Variants in RFC4 observed in about 807,000 individuals in gnomAD.
RFC4 encodes replication factor C subunit 4.
In RFC4, 38 loss-of-function variants were observed where a neutral mutation model predicts 47.6. The observed-to-expected ratio is 0.80, with a 90% confidence interval of 0.62 to 1.05. The LOEUF (loss-of-function observed/expected upper bound fraction) is 1.05. Ranked by LOEUF, RFC4 falls within the 50% of genes least tolerant of loss-of-function variation. The pLI, the probability that RFC4 is intolerant of heterozygous loss-of-function variation, is 0.00. For missense variants in RFC4, 489 were observed against 434.0 expected, an observed-to-expected ratio of 1.13 and a Z score of -1.13; for synonymous variants, 164 against 150.0, an observed-to-expected ratio of 1.09 and a Z score of -0.68.
In RFC4 at chr3:186,790,061, C is replaced by G; in HGVS notation, c.1000G>C (p.Val334Leu). The change falls in exon 11 of 11, where the codon GTT becomes CTT. Residue 334 changes from valine to leucine, a missense_variant. Val to Leu is a conservative substitution (Grantham distance 32). This residue lies in a region of RFC4 where 283 missense variants were observed against 176.2 expected (regional missense o/e 1.61). Transcript: ENST00000296273. ...KSIITEKLAE[V>L]DKCLADGADE... ...GCACCATCTGCTAGGCATTTGTCAA[C>G]TTCCTACGAGAAAAATTTAAGAAAT... 6.2e-7 allele frequency: 1 copy of G among 1,613,306 alleles called. No individual in the cohort carries two copies. The highest frequency in any genetic ancestry group is 8.5e-7 in the Non-Finnish European group (1 of 1,179,324).
chr3:186,790,790 CATGTA>C (rs1004090251), intron 8 of RFC4, among the ~76,000 whole-genome samples: 4 of 152,188 alleles, frequency 2.6e-5, no homozygotes, highest in Non-Finnish European at 4.4e-5. Context: ...TCAATGTCTC[CATGTA>C]AAGATGCCAC....
chr3:186,804,465 A>G, intron 2 of RFC4, 118 bp downstream of exon 2: 1 of 1,031,894 alleles, frequency 9.7e-7, no homozygotes, highest in Non-Finnish European at 1.4e-6. Flanking sequence ...TTTTTTTCAA[A>G]GACAACTTCT....
chr3:186,805,909 G>A (rs1722470412), intron 1 of RFC4, among the ~76,000 whole-genome samples: 1 of 152,144 alleles, frequency 6.6e-6, no homozygotes, highest in East Asian at 1.9e-4. Flanking sequence ...ATGATACCCG[G>A]TTTCCTTTTC....
At position 186,791,830 on chromosome 3, in the gene RFC4, T is replaced by G; in HGVS notation, c.696A>C (p.Lys232Asn). Residue 232 changes from lysine to asparagine, a missense_variant, in exon 8 of 11, where the codon AAA (lysine) becomes AAC (asparagine). By Grantham distance (94) the Lys-to-Asn change is moderately conservative. Transcript: ENST00000296273. Reference protein sequence around the residue: ...ISDEGIAYLVKVSEGDLRKAI... With the variant: ...ISDEGIAYLVNVSEGDLRKAI... ...CTTTTCTTAAGTCTCCTTCTGACAC[T>G]TTAACAAGATAAGCTATTCCCTGAA... The G allele has an allele frequency of 6.2e-7, 1 of 1,612,554 alleles. No homozygotes were observed. Among genetic ancestry groups the G allele is most frequent in the Non-Finnish European group, 8.5e-7 (1 of 1,178,718 alleles).
intron 2 of RFC4, among the ~76,000 whole-genome samples, chr3:186,803,772 A>T (rs1035813986): frequency 1.3e-5 from 2 of 151,026 alleles, no homozygotes; most frequent in African/African-American, 2.4e-5. Context: ...TTGGCCTCCC[A>T]AATTGCTGGG....
At chr3:186,801,282 C>T in intron 2 of RFC4, 87 bp from the exon 3 acceptor site, 1 of 939,898 alleles carries the variant, frequency 1.1e-6, no homozygotes, top group Non-Finnish European at 1.7e-6. Flanking sequence ...ACTAAAATAC[C>T]AATGACCATT....
Position 186,796,292 on chromosome 3 carries a change from A to G in RFC4, c.290+1243T>C, listed in dbSNP as rs115118169. 6.5e-3 allele frequency among the ~76,000 whole-genome samples: 985 copies of G among 152,316 alleles called. 10 individuals are homozygous for G. The highest frequency in any genetic ancestry group is 0.022 in the African/African-American group (934 of 41,556). On this transcript the variant is annotated intron_variant, in intron 4 of 10. Transcript: ENST00000296273. The surrounding 1 kb of genome is among the most constrained non-coding windows in gnomAD (Gnocchi z 4.2). ...ACTGACCTACTCTAAGTAATAATAA[A>G]CAACTGTTAAGGCTGATTCAGATTG...
intron 8 of RFC4, among the ~76,000 whole-genome samples, 162 bp from the exon 9 acceptor site, chr3:186,790,568 T>C (rs266758): frequency 0.48 from 72,768 of 152,002 alleles, 17,641 homozygotes; most frequent in Admixed American, 0.49. Context: ...GTAACTCCAG[T>C]CACCACTAAG....
intron 2 of RFC4, among the ~76,000 whole-genome samples, chr3:186,804,358 T>G (rs1450879098): frequency 2.0e-5 from 3 of 152,206 alleles, no homozygotes; most frequent in African/African-American, 7.2e-5. Context: ...CCTCTGCTTG[T>G]AGAGATCTCA....
In RFC4 at chr3:186,801,103, C is replaced by A. The variant is rs1464084715; in HGVS notation, c.210+14G>T. On this transcript the variant is annotated intron_variant, in intron 3 of 10. Transcript: ENST00000296273. ...TAAATATCCCAATGACATTAAACAC[C>A]ATTTGCAACTCACATCTGCTCCTTC... The A allele has an allele frequency of 4.4e-6, 7 of 1,591,212 alleles. No homozygotes were observed. The highest frequency in any genetic ancestry group is 5.2e-6 in the Non-Finnish European group (6 of 1,159,244).
intron 1 of RFC4, 28 bp from the exon 2 acceptor site, chr3:186,804,752 A>T (rs1474614061): frequency 1.9e-6 from 3 of 1,582,952 alleles, no homozygotes; most frequent in Non-Finnish European, 2.6e-6. Context: ...AGAAAAAAAA[A>T]GCTTTTATTG....
rs751815478 is a variant in RFC4 at position 186,798,879 on chromosome 3, C to A, written c.211-1265G>T. Among the ~76,000 whole-genome samples the A allele has an allele frequency of 7.0e-4, 107 of 152,154 alleles. 1 individual carries two copies. The highest frequency in any genetic ancestry group is 2.9e-3 in the Admixed American group (45 of 15,262). On this transcript the variant is annotated intron_variant, in intron 3 of 10. Coordinates refer to ENST00000296273, the MANE Select transcript of RFC4 (RefSeq NM_002916.5). The stretch of plus-strand genomic sequence containing the variant: ...TCTACTTCATTAAAAGACCAAGAAC[C>A]TTATTTGTTCTATTCACATCTGTAT...
chr3:186,791,518 C>A, intron 8 of RFC4: 1 of 566,266 alleles, frequency 1.8e-6, no homozygotes, highest in Non-Finnish European at 3.2e-6. Context: ...CCTTTTCTTT[C>A]CTGAAATGTC....
At position 186,790,266 on chromosome 3, in the gene RFC4, A is replaced by T; in HGVS notation, c.883-11T>A. On this transcript the variant is annotated splice_polypyrimidine_tract_variant and intron_variant, in intron 9 of 10. Transcript: ENST00000296273. Reference sequence around the variant, plus strand: ...CTCATCTATTAAATCCTATAATAAAAAAAACTTTTGGTATGATGACTTAAT... The same window carrying T: ...CTCATCTATTAAATCCTATAATAAATAAAACTTTTGGTATGATGACTTAAT... The T allele has an allele frequency of 1.9e-6, 3 of 1,612,264 alleles. No individual in the cohort carries two copies. Among genetic ancestry groups the T allele is most frequent in the Non-Finnish European group, 2.5e-6 (3 of 1,178,596 alleles).
At chr3:186,791,483 CA>C (rs141992818) in intron 8 of RFC4, 2 of 413,934 alleles carry the variant, frequency 4.8e-6, no homozygotes, top group South Asian at 2.5e-5. Flanking sequence ...AAAAAAAAAA[CA>C]AAAAAACTAA....
At position 186,801,194 on chromosome 3, in the gene RFC4, G is replaced by A. The variant is rs1296767372; in HGVS notation, c.133C>T (p.Arg45Cys). The A allele has an allele frequency of 2.5e-6, 4 of 1,613,428 alleles. No homozygotes were observed. Among genetic ancestry groups the A allele is most frequent in the African/African-American group, 1.3e-5 (1 of 74,900 alleles). The change falls in exon 3 of 11, where the codon CGC (arginine) becomes TGC (cysteine). Residue 45 changes from arginine (R) to cysteine (C), a missense_variant and splice_region_variant. Arg to Cys is a radical substitution (Grantham distance 180). This residue lies in a region of RFC4 where 206 missense variants were observed against 257.8 expected (regional missense o/e 0.80). Transcript: ENST00000296273. ...GCAACTTCATCCACACATTTTGGGC[G>A]ACTTGCGGGGTGAGAAGGAGGAAAG... ...AKPVPWVEKYRPKCVDEVAFQ... is the reference protein window; with the variant it reads ...AKPVPWVEKYCPKCVDEVAFQ...
chr3:186,791,924 A>G, intron 7 of RFC4, 74 bp from the exon 8 acceptor site: 1 of 1,343,406 alleles, frequency 7.4e-7, no homozygotes, highest in Non-Finnish European at 1.0e-6. Context: ...AAAATGTTTA[A>G]TAAAAGTGAA....
Position 186,802,167 on chromosome 3 carries a change from A to T in RFC4, c.132-972T>A, listed in dbSNP as rs866861905. On this transcript the variant is annotated intron_variant, in intron 2 of 10. Transcript: ENST00000296273. ...CAGGAGTTTGAGACCAGCCTGGTCA[A>T]CATGGTGAAACCCCGTCTGTATTAA... 2.6e-5 allele frequency among the ~76,000 whole-genome samples: 4 copies of T among 152,262 alleles called. No homozygotes were observed. The South Asian group carries it at 6.2e-4, about 24-fold the overall frequency.
intron 4 of RFC4, 43 bp downstream of exon 4, chr3:186,797,492 G>A (rs370686394): frequency 2.3e-5 from 30 of 1,332,764 alleles, no homozygotes; most frequent in Non-Finnish European, 3.1e-5. Flanking sequence ...GAATTTTGGT[G>A]TCAAATCTTT....
Sources: gnomAD v4.1 joint callset for allele counts (sites outside exome capture counted in the v4.1 genomes callset) on GRCh38, gnomAD v4.1.1 for gene constraint, gnomAD v4.1.1 regional missense constraint, Gnocchi (gnomAD v3.1) non-coding constraint, MANE v1.5 for transcripts, NCBI Gene and HGNC (gene_info 2026-07-23, HGNC 2026-07-21) for gene names.